Variants in NCR1 observed in about 807,000 individuals in gnomAD.
NCR1 encodes the protein NK cell-activating receptor.
A neutral mutation model predicts 32.5 loss-of-function variants in NCR1; 30 were observed. The ratio of observed to expected loss-of-function variants is 0.92; its 90% CI spans 0.69 to 1.25. The LOEUF (loss-of-function observed/expected upper bound fraction) is 1.25. Ranked by LOEUF, NCR1 falls within the 50% of genes most tolerant of loss-of-function variation. The pLI is 0.00. For missense variants in NCR1, 369 were observed against 380.7 expected (o/e 0.97, Z 0.26); for synonymous variants, 169 against 143.4 (o/e 1.18, Z -1.28).
At chr19:54,926,721 G>A in the NCR1 span, among the ~76,000 whole-genome samples, 1 of 151,928 alleles carries the variant, frequency 6.6e-6, no homozygotes, top group South Asian at 2.1e-4. Context: ...CTCGAGACCA[G>A]CCTGGCCAAC....
the NCR1 span, chr19:54,933,725 C>G: frequency 1.2e-6 from 2 of 1,614,004 alleles, no homozygotes; most frequent in Non-Finnish European, 1.7e-6. Flanking sequence ...TTCTGTAAGA[C>G]GACAGTTTTC....
At chr19:54,930,931 G>A in the NCR1 span, among the ~76,000 whole-genome samples, 1 of 152,082 alleles carries the variant, frequency 6.6e-6, no homozygotes, top group Non-Finnish European at 1.5e-5. Context: ...ACTGAGGCAG[G>A]AGAATCGCTT....
Position 54,909,270 on chromosome 19 carries a change from G to T in NCR1, c.381G>T (p.Ser127=). The change falls in exon 4 of 7, where the codon TCG becomes TCT. Residue 127 remains serine, a synonymous_variant. Coordinates refer to ENST00000291890, the MANE Select transcript of NCR1 (RefSeq NM_004829.7). The part of the protein sequence containing the change: ...VTEMYDTPTL[S]VHPGPEVISG... ...AAATGTATGACACACCCACCCTCTC[G>T]GTTCATCCTGGACCCGAAGTGATCT... The T allele has an allele frequency of 6.2e-7, 1 of 1,613,484 alleles. No individual in the cohort carries two copies. Among genetic ancestry groups the T allele is most frequent in the Non-Finnish European group, 8.5e-7 (1 of 1,179,524 alleles).
the NCR1 span, among the ~76,000 whole-genome samples, chr19:54,922,057 C>G: frequency 2.0e-5 from 3 of 151,934 alleles, no homozygotes; most frequent in Non-Finnish European, 4.4e-5. Context: ...CCACCCCACC[C>G]GGCTAATTTT....
chr19:54,915,108 C>T (rs1297956330), downstream of NCR1, among the ~76,000 whole-genome samples: 3 of 152,098 alleles, frequency 2.0e-5, no homozygotes, highest in East Asian at 1.9e-4. Context: ...AACCCTGATT[C>T]GGCATGCATG....
chr19:54,901,124 A>C, the NCR1 span, among the ~76,000 whole-genome samples: 1 of 5,690 alleles, frequency 1.8e-4, no homozygotes, highest in Non-Finnish European at 5.3e-4. Context: ...CTCTACTTTG[A>C]AAAAAAAAAA....
chr19:54,908,195 G>C (rs1326224422), intron 3 of NCR1, among the ~76,000 whole-genome samples: 3 of 152,106 alleles, frequency 2.0e-5, no homozygotes, highest in East Asian at 3.9e-4. Context: ...TGACTCTTAA[G>C]GAGCATGCTG....
At chr19:54,930,672 G>A in the NCR1 span, 6 of 1,612,882 alleles carry the variant, frequency 3.7e-6, no homozygotes, top group South Asian at 3.3e-5. Flanking sequence ...GTAACCTACA[G>A]GATAATCAAA....
the NCR1 span, among the ~76,000 whole-genome samples, chr19:54,934,283 G>A: frequency 6.6e-6 from 1 of 152,102 alleles, no homozygotes; most frequent in Non-Finnish European, 1.5e-5. The surrounding 1 kb of genome is among the most constrained non-coding windows in gnomAD (Gnocchi z 6.7). Flanking sequence ...CACCATGTTG[G>A]CCAGGTTGGT....
At chr19:54,935,265 T>C in the NCR1 span, among the ~76,000 whole-genome samples, 1 of 152,090 alleles carries the variant, frequency 6.6e-6, no homozygotes, top group Non-Finnish European at 1.5e-5. Context: ...GATCTCGCTC[T>C]GTTGCCCAGG....
the NCR1 span, among the ~76,000 whole-genome samples, chr19:54,930,233 G>A: frequency 1.1e-4 from 16 of 151,966 alleles, no homozygotes; most frequent in East Asian, 1.2e-3. Flanking sequence ...TTGGGAGGCC[G>A]AGGTGGGAGG....
At chr19:54,927,392 AAAG>A in the NCR1 span, among the ~76,000 whole-genome samples, 1 of 151,822 alleles carries the variant, frequency 6.6e-6, no homozygotes, top group East Asian at 1.9e-4. Flanking sequence ...AAAAAAAAAA[AAAG>A]AAAAAGAAAA....
chr19:54,903,301 C>T (rs139968832), upstream of NCR1, among the ~76,000 whole-genome samples: 1,773 of 131,256 alleles, frequency 0.014, 58 homozygotes, highest in Non-Finnish European at 0.021. Flanking sequence ...TACACATATA[C>T]GTATATGTAT....
chr19:54,908,007 T>C (rs998149120), intron 3 of NCR1, among the ~76,000 whole-genome samples: 2 of 152,158 alleles, frequency 1.3e-5, no homozygotes, highest in African/African-American at 4.8e-5. Context: ...TTTTAGTATT[T>C]ATTGATCATT....
the NCR1 span, chr19:54,933,686 A>G: frequency 1.9e-6 from 3 of 1,614,064 alleles, no homozygotes; most frequent in African/African-American, 4.0e-5. Flanking sequence ...GCTGACAACC[A>G]AGACAGCAGC....
At chr19:54,936,309 A>G in the NCR1 span, 1 of 1,614,038 alleles carries the variant, frequency 6.2e-7, no homozygotes, top group Non-Finnish European at 8.5e-7. Flanking sequence ...GTCACACAGC[A>G]TCAGCATCAT....
At chr19:54,907,694 A>T (rs1428828740) in intron 3 of NCR1, among the ~76,000 whole-genome samples, 1 of 151,998 alleles carries the variant, frequency 6.6e-6, no homozygotes, top group East Asian at 1.9e-4. Context: ...TTATGGGACC[A>T]CCATCATATA....
upstream of NCR1, chr19:54,906,145 C>A (rs770778079): frequency 3.1e-6 from 5 of 1,613,756 alleles, no homozygotes; most frequent in Non-Finnish European, 4.2e-6. Flanking sequence ...GCCCGCCCGG[C>A]TCAGTCCCCA....
At chr19:54,936,509 G>C in the NCR1 span, 5 of 1,266,118 alleles carry the variant, frequency 3.9e-6, no homozygotes, top group Non-Finnish European at 5.8e-6. Flanking sequence ...ACAAAAAGCT[G>C]TTTCACATTT....
Sources: gnomAD v4.1 joint callset for allele counts (sites outside exome capture counted in the v4.1 genomes callset) on GRCh38, gnomAD v4.1.1 for gene constraint, Gnocchi (gnomAD v3.1) non-coding constraint, MANE v1.5 for transcripts, NCBI Gene and HGNC (gene_info 2026-07-23, HGNC 2026-07-21) for gene names.